Variants in SLC39A11 observed in about 807,000 individuals in gnomAD.
The protein encoded by SLC39A11 is solute carrier family 39 member 11, also known as zinc transporter ZIP11.
SLC39A11 carries 33 observed loss-of-function variants against 36.1 expected under a neutral mutation model. The ratio of observed to expected loss-of-function variants is 0.91; its 90% CI spans 0.69 to 1.22. The LOEUF (loss-of-function observed/expected upper bound fraction) is 1.22, where lower values mean the gene tolerates loss of function less well. Among genes scored for constraint, SLC39A11 ranks in the 50% most tolerant of loss-of-function variants. The probability of loss-of-function intolerance (pLI) is 0.00; values close to 1 mark genes in which losing one functional copy is unlikely to be tolerated. For synonymous variants in SLC39A11, 166 were observed against 170.3 expected, an observed-to-expected ratio of 0.97 and a Z score of 0.20; for missense variants, 432 against 430.3, an observed-to-expected ratio of 1.00 and a Z score of -0.03.
chr17:72,928,716 T>C (rs985731523), intron 5 of SLC39A11, among the ~76,000 whole-genome samples: 6 of 152,134 alleles, frequency 3.9e-5, no homozygotes, highest in Non-Finnish European at 8.8e-5. Context: ...TGGCCGTACC[T>C]CAAGCATTAG....
At chr17:73,058,547 A>G (rs1257074174) in intron 3 of SLC39A11, among the ~76,000 whole-genome samples, 1 of 152,004 alleles carries the variant, frequency 6.6e-6, no homozygotes, top group African/African-American at 2.4e-5. Context: ...ACATGGCGAA[A>G]CCCCCTCTCT....
chr17:72,901,226 C>T (rs2082380688), intron 5 of SLC39A11, among the ~76,000 whole-genome samples: 1 of 152,186 alleles, frequency 6.6e-6, no homozygotes, highest in African/African-American at 2.4e-5. Flanking sequence ...AGCTGGAGCG[C>T]ATGGGAAGTG....
chr17:73,071,434 C>T (rs1336770494), intron 3 of SLC39A11, among the ~76,000 whole-genome samples: 3 of 152,326 alleles, frequency 2.0e-5, no homozygotes, highest in African/African-American at 4.8e-5. Flanking sequence ...AGAGCTGCTG[C>T]AGCACAGAGC....
At chr17:72,679,551 G>T (rs11077625) in intron 7 of SLC39A11, among the ~76,000 whole-genome samples, 1 of 152,142 alleles carries the variant, frequency 6.6e-6, no homozygotes, top group Non-Finnish European at 1.5e-5. Flanking sequence ...AGAGACAGCC[G>T]CGCCCACCTC....
At chr17:73,002,610 C>T (rs537755496) in intron 4 of SLC39A11, among the ~76,000 whole-genome samples, 4 of 152,294 alleles carry the variant, frequency 2.6e-5, no homozygotes, top group South Asian at 4.1e-4. Flanking sequence ...AATGCCAGCT[C>T]CCCTGCAAGG....
At chr17:72,748,522 T>C (rs895173165) in intron 6 of SLC39A11, among the ~76,000 whole-genome samples, 18 of 152,298 alleles carry the variant, frequency 1.2e-4, no homozygotes, top group African/African-American at 4.1e-4. Flanking sequence ...GAAAATGCTA[T>C]TCTCCAGTCA....
chr17:72,743,988 G>A (rs1047307606), intron 6 of SLC39A11, among the ~76,000 whole-genome samples: 2 of 152,202 alleles, frequency 1.3e-5, no homozygotes, highest in Non-Finnish European at 2.9e-5. Flanking sequence ...GGAAGGAGCT[G>A]GCTCCAACCT....
chr17:72,859,877 T>A (rs8080372), intron 5 of SLC39A11, among the ~76,000 whole-genome samples: 2 of 726 alleles, frequency 2.8e-3, no homozygotes, highest in Non-Finnish European at 7.9e-3. Flanking sequence ...AGTCCCAGCT[T>A]CTTGGGAGGC....
At chr17:72,830,509 C>G (rs1463061859) in intron 6 of SLC39A11, among the ~76,000 whole-genome samples, 7 of 152,206 alleles carry the variant, frequency 4.6e-5, no homozygotes, top group Admixed American at 2.0e-4. Context: ...AAATCCTTTA[C>G]TCTTCTGTCC....
At chr17:72,793,244 G>C (rs567705428) in intron 6 of SLC39A11, among the ~76,000 whole-genome samples, 1 of 152,170 alleles carries the variant, frequency 6.6e-6, no homozygotes, top group African/African-American at 2.4e-5. Context: ...AGAGAAGCAG[G>C]ATGATCAAAG....
At chr17:72,729,434 TATATATATATATATA>T (rs1567994807) in intron 7 of SLC39A11, among the ~76,000 whole-genome samples, 107 of 3,470 alleles carry the variant, frequency 0.031, 18 homozygotes, top group Admixed American at 0.041. Context: ...TATATATATA[TATATATATATATATA>T]TATATATATT....
intron 6 of SLC39A11, among the ~76,000 whole-genome samples, chr17:72,829,428 C>T (rs942422074): frequency 2.0e-5 from 3 of 151,484 alleles, no homozygotes; most frequent in African/African-American, 7.3e-5. Flanking sequence ...GAGATGGGAG[C>T]CGGTGATCAG....
At chr17:73,015,127 C>T (rs1188311777) in intron 4 of SLC39A11, among the ~76,000 whole-genome samples, 1 of 152,216 alleles carries the variant, frequency 6.6e-6, no homozygotes, top group African/African-American at 2.4e-5. Context: ...GGCCTCACAG[C>T]CACTGAAGTC....
At chr17:72,986,876 A>G (rs2088804292) in intron 4 of SLC39A11, among the ~76,000 whole-genome samples, 2 of 152,192 alleles carry the variant, frequency 1.3e-5, no homozygotes, top group Admixed American at 6.5e-5. Context: ...TTCAACTACA[A>G]TGACTAGTTT....
At position 72,722,236 on chromosome 17, in the gene SLC39A11, C is replaced by A. The variant is rs754659924; in HGVS notation, c.671+14414G>T. 2.0e-5 allele frequency among the ~76,000 whole-genome samples: 3 copies of A among 152,170 alleles called. No homozygotes were observed. The East Asian group carries it at 5.8e-4, about 29-fold the overall frequency. ...TCTCTCAAAAAGACTCCCCTTCCCT[C>A]CCTGCCCTCCTCTCATTGATGGCTT... On this transcript the variant is annotated intron_variant, in intron 7 of 9. Transcript: ENST00000255559.
chr17:72,936,997 T>G (rs955651212), intron 5 of SLC39A11, among the ~76,000 whole-genome samples: 1 of 152,208 alleles, frequency 6.6e-6, no homozygotes, highest in African/African-American at 2.4e-5. Context: ...CATACTGGTC[T>G]GCTGCCCAGG....
At chr17:72,958,573 C>G (rs1464813779) in intron 4 of SLC39A11, among the ~76,000 whole-genome samples, 1 of 152,050 alleles carries the variant, frequency 6.6e-6, no homozygotes, top group Non-Finnish European at 1.5e-5. Context: ...GAAGATGGCC[C>G]GGCACAGTGG....
chr17:72,837,331 A>AAAAATGTACTATAAAATGTACTAT (rs2078600159), intron 6 of SLC39A11, among the ~76,000 whole-genome samples: 1 of 147,886 alleles, frequency 6.8e-6, no homozygotes, highest in Non-Finnish European at 1.5e-5. Flanking sequence ...TAGATTTTTT[A>AAAAATGTACTATAAAATGTACTAT]AAAATGTACT....
chr17:72,810,043 G>T (rs1023975904), intron 6 of SLC39A11, among the ~76,000 whole-genome samples: 1 of 142,078 alleles, frequency 7.0e-6, no homozygotes, highest in Non-Finnish European at 1.5e-5. Context: ...CAGCCTGGGT[G>T]AAAGAATGAG....
Sources: gnomAD v4.1 joint callset for allele counts (sites outside exome capture counted in the v4.1 genomes callset) on GRCh38, gnomAD v4.1.1 for gene constraint, MANE v1.5 for transcripts, NCBI Gene and HGNC (gene_info 2026-07-23, HGNC 2026-07-21) for gene names.